The following MYO6 variants were observed in gnomAD, a reference collection of about 807,000 sequenced individuals.
MYO6 encodes the protein myosin VI, also known as unconventional myosin-VI.
A neutral mutation model predicts 178.7 loss-of-function variants in MYO6; 74 were observed. That is an observed-to-expected ratio of 0.41 (90% confidence interval 0.34 to 0.50). The LOEUF (loss-of-function observed/expected upper bound fraction) is 0.50. Ranked by LOEUF, MYO6 falls within the 20% of genes least tolerant of loss-of-function variation. The pLI, the probability that MYO6 is intolerant of heterozygous loss-of-function variation, is 0.09. For missense variants in MYO6, 1,330 were observed against 1,547.4 expected (o/e 0.86, Z 2.36); for synonymous variants, 477 against 504.6 (o/e 0.95, Z 0.73).
At chr6:75,766,796 A>T (rs1225834474) in intron 1 of MYO6, among the ~76,000 whole-genome samples, 1 of 152,312 alleles carries the variant, frequency 6.6e-6, no homozygotes, top group East Asian at 1.9e-4. Context: ...AAAATATTTT[A>T]AATATATGTA....
chr6:75,755,531 A>G (rs563354458), intron 1 of MYO6, among the ~76,000 whole-genome samples: 1 of 152,344 alleles, frequency 6.6e-6, no homozygotes, highest in East Asian at 1.9e-4. Flanking sequence ...TGCTAGACTG[A>G]AATTGGTAAT....
intron 1 of MYO6, among the ~76,000 whole-genome samples, chr6:75,752,917 G>T (rs1200502504): frequency 6.6e-6 from 1 of 152,160 alleles, no homozygotes; most frequent in Admixed American, 6.5e-5. Flanking sequence ...TTCCTCTAAT[G>T]AAAAAGATAA....
At chr6:75,832,038 T>C in intron 5 of MYO6, among the ~76,000 whole-genome samples, 1 of 152,212 alleles carries the variant, frequency 6.6e-6, no homozygotes, top group African/African-American at 2.4e-5. Context: ...AGTTGTCTTA[T>C]AGAGCCAAAT....
chr6:75,883,968 A>G (rs1179836328), intron 23 of MYO6, among the ~76,000 whole-genome samples: 2 of 152,252 alleles, frequency 1.3e-5, no homozygotes, highest in East Asian at 3.8e-4. Flanking sequence ...TATTAATATA[A>G]AAAGAAAAAA....
intron 2 of MYO6, among the ~76,000 whole-genome samples, chr6:75,821,640 A>AAC (rs891229782): frequency 2.5e-4 from 27 of 109,358 alleles, no homozygotes; most frequent in Admixed American, 1.7e-3. Flanking sequence ...CACACACACA[A>AAC]ACACACACAC....
rs1778040646 is a variant in MYO6, at chr6:75,881,680, A to G, written c.2287-9A>G. On this transcript the variant is annotated splice_polypyrimidine_tract_variant and intron_variant, in intron 22 of 34. Transcript: ENST00000369977. Reference sequence around the variant, plus strand: ...TTTAATACTGATACTAAATTATTTCACTTCCTAGTTTGCAGAATTTGATCA... The same window carrying G: ...TTTAATACTGATACTAAATTATTTCGCTTCCTAGTTTGCAGAATTTGATCA... 12 of 1,612,304 alleles carry G rather than the reference A, an allele frequency of 7.4e-6. No homozygotes were observed. The highest frequency in any genetic ancestry group is 9.3e-6 in the Non-Finnish European group (11 of 1,178,572).
chr6:75,843,786 G>A (rs1186447325), intron 9 of MYO6, among the ~76,000 whole-genome samples: 2 of 150,750 alleles, frequency 1.3e-5, no homozygotes, highest in African/African-American at 4.9e-5. Flanking sequence ...CATGTATATA[G>A]TTGTCTTGTT....
At chr6:75,826,392 G>A (rs1012519281) in intron 3 of MYO6, among the ~76,000 whole-genome samples, 1 of 152,242 alleles carries the variant, frequency 6.6e-6, no homozygotes, top group Non-Finnish European at 1.5e-5. Flanking sequence ...AGTGTGGAAG[G>A]AGTAAAGATA....
Position 75,898,383 on chromosome 6 carries a change from G to A in MYO6, c.3148G>A (p.Ala1050Thr). Reference sequence around the variant, plus strand: ...TCGTTTTTCTTGTAGGGAACAAATGGCCAAAGAAATGTCAGAATTTTTGAG... The same window carrying A: ...TCGTTTTTCTTGTAGGGAACAAATGACCAAAGAAATGTCAGAATTTTTGAG... ...TRPKMTPEQM[A>T]KEMSEFLSRG... The change falls in exon 30 of 35, where the codon GCC becomes ACC. Residue 1050 changes from alanine to threonine, a missense_variant. Around this residue, in one of 3 missense-constraint regions of MYO6, gnomAD observed 601 missense variants for 626.1 expected, o/e 0.96. Transcript: ENST00000369977. The A allele has an allele frequency of 2.5e-6, 4 of 1,609,254 alleles. No homozygotes were observed. Among genetic ancestry groups the A allele is most frequent in the African/African-American group, 2.7e-5 (2 of 74,836 alleles).
intron 3 of MYO6, among the ~76,000 whole-genome samples, chr6:75,825,054 G>A (rs1014701095): frequency 3.9e-5 from 6 of 152,076 alleles, no homozygotes; most frequent in Non-Finnish European, 8.8e-5. Context: ...CCACTGCACC[G>A]AGCTATAGCT....
chr6:75,841,205 G>T lies in MYO6; in HGVS notation c.652-9G>T. ...CAAAAATATATTTTCTCTGTGTTTTGTTTTTTAGAGCTCAGTTGTTGGAGG... is the reference window on the plus strand; with the variant it reads ...CAAAAATATATTTTCTCTGTGTTTTTTTTTTTAGAGCTCAGTTGTTGGAGG... On this transcript the variant is annotated splice_polypyrimidine_tract_variant and intron_variant, in intron 8 of 34. Transcript: ENST00000369977. The T allele has an allele frequency of 1.2e-6, 2 of 1,612,328 alleles. No individual in the cohort carries two copies. The highest frequency in any genetic ancestry group is 1.7e-6 in the Non-Finnish European group (2 of 1,178,978).
intron 29 of MYO6, among the ~76,000 whole-genome samples, chr6:75,896,144 A>C (rs1779284868): frequency 6.6e-6 from 1 of 152,152 alleles, no homozygotes; most frequent in African/African-American, 2.4e-5. Flanking sequence ...TTATTTTAAC[A>C]GCTTTAAGGA....
chr6:75,843,605 T>G (rs979087865), intron 9 of MYO6, among the ~76,000 whole-genome samples: 28 of 152,186 alleles, frequency 1.8e-4, no homozygotes, highest in African/African-American at 6.5e-4. Context: ...GACAAAGTGC[T>G]TGGTAGCAAA....
intron 1 of MYO6, among the ~76,000 whole-genome samples, chr6:75,768,467 G>A (rs1465833537): frequency 5.4e-5 from 8 of 149,056 alleles, no homozygotes; most frequent in Admixed American, 2.7e-4. Flanking sequence ...TGCAACCTCC[G>A]CTTCCTGGGC....
intron 11 of MYO6, among the ~76,000 whole-genome samples, 192 bp from the exon 12 acceptor site, chr6:75,854,947 G>A (rs1429639164): frequency 6.6e-6 from 1 of 152,150 alleles, no homozygotes; most frequent in East Asian, 1.9e-4. Context: ...CCCCAAGGGA[G>A]GATCTTCTGT....
chr6:75,764,605 G>A (rs1778242144), intron 1 of MYO6, among the ~76,000 whole-genome samples: 1 of 151,966 alleles, frequency 6.6e-6, no homozygotes, highest in Non-Finnish European at 1.5e-5. Flanking sequence ...GGCTTTGTAA[G>A]GTTTTTTTTG....
chr6:75,853,550 T>TGA (rs1396806787), intron 11 of MYO6, among the ~76,000 whole-genome samples: 1 of 152,318 alleles, frequency 6.6e-6, no homozygotes, highest in East Asian at 1.9e-4. Flanking sequence ...CTTTTGCATG[T>TGA]GGACATCCAG....
At chr6:75,831,228 A>G (rs1773043773) in intron 5 of MYO6, among the ~76,000 whole-genome samples, 1 of 152,182 alleles carries the variant, frequency 6.6e-6, no homozygotes, top group Admixed American at 6.5e-5. Context: ...GCATTCAGAC[A>G]TAAAGCAGCT....
intron 30 of MYO6, among the ~76,000 whole-genome samples, chr6:75,905,563 C>T (rs1285218233): frequency 3.9e-5 from 6 of 152,236 alleles, no homozygotes; most frequent in South Asian, 2.1e-4. Context: ...GGCAATGCCT[C>T]GCCCTGCTTT....
Sources: gnomAD v4.1 joint callset for allele counts (sites outside exome capture counted in the v4.1 genomes callset) on GRCh38, gnomAD v4.1.1 for gene constraint, gnomAD v4.1.1 regional missense constraint, MANE v1.5 for transcripts, NCBI Gene and HGNC (gene_info 2026-07-23, HGNC 2026-07-21) for gene names.